Variants in FXN observed in about 807,000 individuals in gnomAD.
FXN encodes frataxin.
A neutral mutation model predicts 22.4 loss-of-function variants in FXN; 14 were observed. That is an observed-to-expected ratio of 0.62 (90% confidence interval 0.41 to 0.98). The LOEUF is 0.98. FXN is among the 50% of genes least tolerant of loss of function. The probability of loss-of-function intolerance (pLI) is 0.00; values close to 1 mark genes in which losing one functional copy is unlikely to be tolerated. For missense variants in FXN, 267 were observed against 268.4 expected, an observed-to-expected ratio of 0.99 and a Z score of 0.04; for synonymous variants, 120 against 114.1, an observed-to-expected ratio of 1.05 and a Z score of -0.33.
At position 69,078,281 on chromosome 9, in the gene FXN, G is replaced by A. The variant is rs899353951; in HGVS notation, c.*5519G>A. 1.0e-5 allele frequency: 10 copies of A among 985,322 alleles called. No individual in the cohort carries two copies. Among genetic ancestry groups the A allele is most frequent in the Admixed American group, 6.1e-5 (1 of 16,266 alleles). 61.0% of individuals were successfully genotyped at this position (985,322 alleles called of 1,614,324 possible). Reference sequence around the variant, plus strand: ...AGTTATGCAAACCGTCCAGAGCATAGCCACCTGATCCTGCTGGGATTCCTC... The same window carrying A: ...AGTTATGCAAACCGTCCAGAGCATAACCACCTGATCCTGCTGGGATTCCTC... On this transcript the variant is annotated 3_prime_UTR_variant, in exon 5 of 5. Transcript: ENST00000484259.
In FXN at chr9:69,076,917, A is replaced by G; in HGVS notation, c.*4155A>G. 1.0e-6 allele frequency: 1 copy of G among 985,068 alleles called. No homozygotes were observed. Among genetic ancestry groups the G allele is most frequent in the Non-Finnish European group, 1.2e-6 (1 of 829,686 alleles). The allele number at this position is 985,068 out of a possible 1,614,324, so 61.0% of individuals were successfully genotyped here. ...CATGACTTTGTGTATAGAGTAAGAA[A>G]TGCCTTTTCTTTTTTGAGACAGAGT... On this transcript the variant is annotated 3_prime_UTR_variant, in exon 5 of 5. Transcript: ENST00000484259.
intron 1 of FXN, among the ~76,000 whole-genome samples, chr9:69,037,270 CAA>C (rs1203904162): frequency 1.2e-5 from 1 of 80,642 alleles, no homozygotes; most frequent in Admixed American, 1.4e-4. Flanking sequence ...CTAAAAAATA[CAA>C]AAAAAAAAAA....
intron 4 of FXN, among the ~76,000 whole-genome samples, chr9:69,065,540 C>CAAAA (rs34769489): frequency 0.021 from 2,916 of 140,690 alleles, 53 homozygotes; most frequent in Middle Eastern, 0.034. Flanking sequence ...GACCCTGTCC[C>CAAAA]AAAAAAAAAA....
chr9:69,046,276 G>A, intron 1 of FXN, 109 bp from the exon 2 acceptor site: 1 of 787,516 alleles, frequency 1.3e-6, no homozygotes, highest in South Asian at 1.5e-5. Flanking sequence ...AAAAAATGGA[G>A]CACTCGGTTA....
At chr9:69,053,309 A>G in intron 3 of FXN, 49 bp downstream of exon 3, 1 of 1,599,074 alleles carries the variant, frequency 6.3e-7, no homozygotes, top group Non-Finnish European at 8.6e-7. Flanking sequence ...TAAGAATTTT[A>G]GTTCACTAAA....
intron 1 of FXN, among the ~76,000 whole-genome samples, chr9:69,037,284 A>AAAAAAAAAAAAAAGAAGAAG (rs544093183): frequency 1.9e-4 from 15 of 78,058 alleles, no homozygotes; most frequent in East Asian, 3.1e-4. Flanking sequence ...AAAAAAAAAA[A>AAAAAAAAAAAAAAGAAGAAG]AAGAAGAAGA....
At chr9:69,050,718 A>C (rs1005228359) in intron 2 of FXN, among the ~76,000 whole-genome samples, 1 of 151,958 alleles carries the variant, frequency 6.6e-6, no homozygotes, top group Non-Finnish European at 1.5e-5. Context: ...TTCCAAAGTG[A>C]TTGTCCAACT....
rs1436252285 is a variant in FXN, at chr9:69,078,634, C to G, written c.*5872C>G. 1.0e-6 allele frequency: 1 copy of G among 985,896 alleles called. No homozygotes were observed. Among genetic ancestry groups the G allele is most frequent in the East Asian group, 1.1e-4 (1 of 8,814 alleles). The allele number at this position is 985,896 out of a possible 1,614,324, so 61.1% of individuals were successfully genotyped here. ...TGCTTTTCTACCCCCTCACACTCAA[C>G]ACTTTGACTCCAGCAATCCCAAATC... On this transcript the variant is annotated 3_prime_UTR_variant, in exon 5 of 5. Coordinates refer to ENST00000484259, the MANE Select transcript of FXN (RefSeq NM_000144.5).
rs1832360117 is a variant in FXN at position 69,075,970 on chromosome 9, G to T, written c.*3208G>T. On this transcript the variant is annotated 3_prime_UTR_variant, in exon 5 of 5. Coordinates refer to ENST00000484259, the MANE Select transcript of FXN (RefSeq NM_000144.5). ...TCCACCTGCCTCGTCCTCCCAAGAT[G>T]CTGGGATTACAGGTGTGTGCCACAG... The T allele has an allele frequency of 2.1e-6, 2 of 959,528 alleles. No individual in the cohort carries two copies. The highest frequency in any genetic ancestry group is 2.5e-6 in the Non-Finnish European group (2 of 806,558). The allele number at this position is 959,528 out of a possible 1,614,324, so 59.4% of individuals were successfully genotyped here.
intron 4 of FXN, among the ~76,000 whole-genome samples, 172 bp from the exon 5 acceptor site, chr9:69,072,440 C>T (rs1394639416): frequency 1.3e-5 from 2 of 151,910 alleles, no homozygotes; most frequent in Non-Finnish European, 2.9e-5. Context: ...GAAGATATAT[C>T]GTATAACTCT....
Position 69,075,226 on chromosome 9 carries a change from GGC to G in FXN, c.*2465_*2466del, listed in dbSNP as rs1376165121. The G allele has an allele frequency of 3.6e-6, 3 of 825,274 alleles. No homozygotes were observed. The African/African-American group carries it at 5.6e-5, about 15-fold the overall frequency. 51.1% of individuals were successfully genotyped at this position (825,274 alleles called of 1,614,324 possible). A position where few individuals can be genotyped will look rare whatever the true frequency, so the allele number is the denominator to read the frequency against. ...TAATCCCAGCACTTTGGGAGGCTGA[GGC>G]AAGTGTATCACCTGAGGTCAGGAGT... On this transcript the variant is annotated 3_prime_UTR_variant, in exon 5 of 5. Coordinates refer to ENST00000484259, the MANE Select transcript of FXN (RefSeq NM_000144.5).
chr9:69,072,153 A>G (rs1053813448), intron 4 of FXN, among the ~76,000 whole-genome samples: 29 of 152,236 alleles, frequency 1.9e-4, no homozygotes, highest in African/African-American at 7.0e-4. Context: ...TAGTGGTTGC[A>G]CAACATTGTA....
rs1278064304 is a variant in FXN, at chr9:69,076,024, T to A, written c.*3262T>A. ...TTCATCAGAAAGCTTTTTCTATTAT[T>A]TTTACCTTCTTGAGTGGGTAGAACC... On this transcript the variant is annotated 3_prime_UTR_variant, in exon 5 of 5. Transcript: ENST00000484259. 1.0e-6 allele frequency: 1 copy of A among 984,266 alleles called. No individual in the cohort carries two copies. Among genetic ancestry groups the A allele is most frequent in the Non-Finnish European group, 1.2e-6 (1 of 829,026 alleles). 61.0% of individuals were successfully genotyped at this position (984,266 alleles called of 1,614,324 possible).
rs1366193093 is a variant in FXN at position 69,073,074 on chromosome 9, TAAG to T, written c.*316_*318del. 1.7e-6 allele frequency: 2 copies of T among 1,208,470 alleles called. No homozygotes were observed. Among genetic ancestry groups the T allele is most frequent in the Non-Finnish European group, 2.1e-6 (2 of 967,104 alleles). 74.9% of individuals were successfully genotyped at this position (1,208,470 alleles called of 1,614,324 possible). ...AACAACCTTTAAAAAAGCAAAATAA[TAAG>T]AAGGAAAAATTCCAGGAGGGAAAAT... On this transcript the variant is annotated 3_prime_UTR_variant, in exon 5 of 5. Coordinates refer to ENST00000484259, the MANE Select transcript of FXN (RefSeq NM_000144.5).
chr9:69,037,284 A>AAAAAAGAAGAAGAAGAAGAAGAAGAAG (rs544093183), intron 1 of FXN, among the ~76,000 whole-genome samples: 1 of 78,060 alleles, frequency 1.3e-5, no homozygotes, highest in Admixed American at 1.5e-4. Context: ...AAAAAAAAAA[A>AAAAAAGAAGAAGAAGAAGAAGAAGAAG]AAGAAGAAGA....
chr9:69,054,144 G>A (rs1377745718), intron 3 of FXN, among the ~76,000 whole-genome samples: 1 of 152,118 alleles, frequency 6.6e-6, no homozygotes, highest in African/African-American at 2.4e-5. Context: ...GGGATTATAG[G>A]CATCTGCCAC....
chr9:69,037,369 G>A (rs192442203), intron 1 of FXN, among the ~76,000 whole-genome samples: 15 of 151,950 alleles, frequency 9.9e-5, no homozygotes, highest in African/African-American at 3.4e-4. Context: ...CAGAGGCTGC[G>A]GCAGGAGAAT....
At chr9:69,044,600 C>T (rs547929936) in intron 1 of FXN, among the ~76,000 whole-genome samples, 1 of 152,302 alleles carries the variant, frequency 6.6e-6, no homozygotes, top group East Asian at 1.9e-4. Flanking sequence ...CTCTTAAAGC[C>T]CTTCGGTGCC....
rs568686959 is a variant in FXN at position 69,078,618 on chromosome 9, A to G, written c.*5856A>G. ...ACTCTACATATAATTATGCTTTTCT[A>G]CCCCCTCACACTCAACACTTTGACT... On this transcript the variant is annotated 3_prime_UTR_variant, in exon 5 of 5. Coordinates refer to ENST00000484259, the MANE Select transcript of FXN (RefSeq NM_000144.5). 5.0e-5 allele frequency: 49 copies of G among 985,538 alleles called. No homozygotes were observed. The highest frequency in any genetic ancestry group is 7.0e-5 in the African/African-American group (4 of 57,238). The allele number at this position is 985,538 out of a possible 1,614,324, so 61.0% of individuals were successfully genotyped here.
Sources: allele counts gnomAD v4.1 joint callset (sites outside exome capture counted in the v4.1 genomes callset), GRCh38; gene constraint gnomAD v4.1.1; transcripts MANE v1.5; gene names NCBI Gene and HGNC (gene_info 2026-07-23, HGNC 2026-07-21).